The following DCLRE1A variants were observed in gnomAD, a reference collection of about 807,000 sequenced individuals.
The protein encoded by DCLRE1A is DNA cross-link repair 1A.
A neutral mutation model predicts 91.9 loss-of-function variants in DCLRE1A; 64 were observed. The ratio of observed to expected loss-of-function variants is 0.70; its 90% CI spans 0.57 to 0.86. The LOEUF is 0.86. DCLRE1A is among the 40% of genes least tolerant of loss of function. The pLI is 0.00. For synonymous variants in DCLRE1A, 416 were observed against 431.1 expected (o/e 0.96, Z 0.43); for missense variants, 1,145 against 1,213.3 (o/e 0.94, Z 0.84).
chr10:113,844,898 T>A (rs1845506404), intron 4 of DCLRE1A, among the ~76,000 whole-genome samples: 1 of 150,554 alleles, frequency 6.6e-6, no homozygotes, highest in Admixed American at 6.6e-5. Flanking sequence ...GCTGTGCCAT[T>A]GCACTCCAAC....
chr10:113,849,463 G>A lies in DCLRE1A; in HGVS notation c.1642C>T (p.His548Tyr), dbSNP rs772818660. 3.7e-6 allele frequency: 6 copies of A among 1,614,120 alleles called. No individual in the cohort carries two copies. Among genetic ancestry groups the A allele is most frequent in the Non-Finnish European group, 5.1e-6 (6 of 1,180,018 alleles). Residue 548 changes from histidine to tyrosine, a missense_variant, in exon 2 of 9, where the codon CAT (histidine) becomes TAT (tyrosine). Physicochemically the swap from His to Tyr is moderately conservative, Grantham distance 83 (BLOSUM62 2). Coordinates refer to ENST00000361384, the MANE Select transcript of DCLRE1A (RefSeq NM_014881.5). ...TGCTTCATTACCTTGGTAGAAGGAT[G>A]TCTTGCATTATACTTAAGACCAGAA... ...LPSGLKYNAR[H>Y]PSTKVMKQMD...
At chr10:113,838,818 G>C (rs907102385) in intron 7 of DCLRE1A, among the ~76,000 whole-genome samples, 1 of 152,170 alleles carries the variant, frequency 6.6e-6, no homozygotes, top group Non-Finnish European at 1.5e-5. Flanking sequence ...TAGCACATAC[G>C]TGAACTTGGG....
At chr10:113,841,662 A>T in intron 6 of DCLRE1A, 102 bp from the exon 7 acceptor site, 2 of 1,207,992 alleles carry the variant, frequency 1.7e-6, no homozygotes, top group Non-Finnish European at 2.3e-6. Flanking sequence ...AATAAAAGGA[A>T]ATTCAAAACA....
intron 2 of DCLRE1A, among the ~76,000 whole-genome samples, chr10:113,847,849 T>TA (rs17228737): frequency 9.4e-4 from 143 of 152,124 alleles, no homozygotes; most frequent in Admixed American, 1.8e-3. Flanking sequence ...AAAAAATGCC[T>TA]AAAAAGGCTC....
intron 3 of DCLRE1A, 74 bp downstream of exon 3, chr10:113,847,128 T>A: frequency 1.5e-6 from 2 of 1,345,240 alleles, no homozygotes; most frequent in Non-Finnish European, 2.0e-6. Flanking sequence ...CTGGTTTAAT[T>A]ATTATTTTTT....
intron 4 of DCLRE1A, among the ~76,000 whole-genome samples, chr10:113,844,676 C>T (rs1430351560): frequency 6.6e-6 from 1 of 152,228 alleles, no homozygotes; most frequent in Non-Finnish European, 1.5e-5. Context: ...TGGCTCACGC[C>T]TGTAATCCCA....
intron 1 of DCLRE1A, 66 bp from the exon 2 acceptor site, chr10:113,850,710 C>T: frequency 7.6e-7 from 1 of 1,318,080 alleles, no homozygotes; most frequent in Non-Finnish European, 1.0e-6. Flanking sequence ...ACAACATTAG[C>T]AGTATAAATT....
At chr10:113,835,774 A>C (rs903697278) in intron 8 of DCLRE1A, among the ~76,000 whole-genome samples, 1 of 152,120 alleles carries the variant, frequency 6.6e-6, no homozygotes, top group African/African-American at 2.4e-5. Flanking sequence ...GTCTCCACTA[A>C]AAATACAAAA....
intron 8 of DCLRE1A, 136 bp downstream of exon 8, chr10:113,836,926 T>A: frequency 1.3e-6 from 1 of 744,122 alleles, no homozygotes. Flanking sequence ...AGGATTAGAG[T>A]TGTAGAGAGA....
chr10:113,843,940 C>G (rs1845486872), intron 5 of DCLRE1A, among the ~76,000 whole-genome samples, 164 bp downstream of exon 5: 1 of 152,222 alleles, frequency 6.6e-6, no homozygotes, highest in Non-Finnish European at 1.5e-5. Flanking sequence ...CATACAATCT[C>G]AAATTTGCCC....
chr10:113,845,772 T>C lies in DCLRE1A; in HGVS notation c.2291A>G (p.His764Arg), dbSNP rs35884667. ...TGGGTGAATATATTGTTCTTGCACA[T>C]GAAGCTTGTTCTTCAACAAATTGCC... Reference protein sequence around the residue: ...ITGNLLKNKLHVQEQYIHPLP... With the variant: ...ITGNLLKNKLRVQEQYIHPLP... The change falls in exon 4 of 9, where the codon CAT (histidine) becomes CGT (arginine). Residue 764 changes from histidine to arginine, a missense_variant. Physicochemically the swap from His to Arg is conservative, Grantham distance 29. Transcript: ENST00000361384. The C allele has an allele frequency of 4.4e-4, 710 of 1,614,166 alleles. 5 individuals carry two copies. In the African/African-American group the frequency reaches 8.1e-3, roughly 18 times the overall value.
At chr10:113,847,122 TTTAA>T (rs1845550796) in intron 3 of DCLRE1A, 76 bp downstream of exon 3, 1 of 1,319,828 alleles carries the variant, frequency 7.6e-7, no homozygotes, top group Non-Finnish European at 1.0e-6. Context: ...ATCTTACTGG[TTTAA>T]TTATTATTTT....
At chr10:113,851,836 C>A (rs530232291) in intron 1 of DCLRE1A, among the ~76,000 whole-genome samples, 1 of 152,104 alleles carries the variant, frequency 6.6e-6, no homozygotes, top group African/African-American at 2.4e-5. Flanking sequence ...GGTGATCCTC[C>A]CACCTCAGCC....
Position 113,846,315 on chromosome 10 carries a change from T to G in DCLRE1A, c.2260-512A>C, listed in dbSNP as rs117056949. ...CTTCTCCAAACCCCAGGTGTTTCATTAATAAAAAGAATTCCTGAAGCATGC... is the reference window on the plus strand; with the variant it reads ...CTTCTCCAAACCCCAGGTGTTTCATGAATAAAAAGAATTCCTGAAGCATGC... On this transcript the variant is annotated intron_variant, in intron 3 of 8. Transcript: ENST00000361384. Among the ~76,000 whole-genome samples the G allele has an allele frequency of 7.1e-3, 1,078 of 152,308 alleles. 7 individuals carry two copies. The highest frequency in any genetic ancestry group is 0.029 in the Admixed American group (446 of 15,298).
rs1201044456 is a variant in DCLRE1A at position 113,834,997 on chromosome 10, C to T, written c.*155G>A. 21 of 795,496 alleles carry T rather than the reference C, an allele frequency of 2.6e-5. No individual in the cohort carries two copies. The highest frequency in any genetic ancestry group is 1.4e-4 in the South Asian group (7 of 51,590). The allele number at this position is 795,496 out of a possible 1,614,324, so 49.3% of individuals were successfully genotyped here. On this transcript the variant is annotated 3_prime_UTR_variant, in exon 9 of 9. Transcript: ENST00000361384. ...TGATGCTGAGAGGCATTCAGCACCA[C>T]GAACATGTTGTTCAAACATAAATGA...
intron 1 of DCLRE1A, 135 bp downstream of exon 1, chr10:113,852,588 T>G: frequency 1.3e-6 from 1 of 791,456 alleles, no homozygotes; most frequent in South Asian, 1.9e-5. Context: ...TACCGTTGAC[T>G]GGTATGGTGT....
chr10:113,844,628 A>G (rs1845501507), intron 4 of DCLRE1A, among the ~76,000 whole-genome samples: 1 of 152,212 alleles, frequency 6.6e-6, no homozygotes, highest in African/African-American at 2.4e-5. Context: ...AAAACCCCAT[A>G]AAGTTGACTT....
chr10:113,837,010 T>G lies in DCLRE1A; in HGVS notation c.2962+52A>C, dbSNP rs1164504893. The G allele has an allele frequency of 2.1e-6, 3 of 1,449,212 alleles. No individual in the cohort carries two copies. The Admixed American group carries it at 7.1e-5, about 34-fold the overall frequency. 89.8% of individuals were successfully genotyped at this position (1,449,212 alleles called of 1,614,324 possible). On this transcript the variant is annotated intron_variant, in intron 8 of 8. Coordinates refer to ENST00000361384, the MANE Select transcript of DCLRE1A (RefSeq NM_014881.5). ...TTGAACCTTATTACATTTTTTAAAA[T>G]GTAATTATAAACATTATAAACACTA...
Position 113,849,279 on chromosome 10 carries a change from T to C in DCLRE1A, c.1826A>G (p.Asp609Gly). The change falls in exon 2 of 9, where the codon GAT becomes GGT. Residue 609 changes from aspartate (D) to glycine (G), a missense_variant. Physicochemically the swap from Asp to Gly is moderately conservative, Grantham distance 94. Transcript: ENST00000361384. ...TAAAGTACTTGCATCAAATTCTAAA[T>C]CACTTAAAGATTTTTCTGCTTTCCT... ...CKRKAEKSLS[D>G]LEFDASTLHE... The C allele has an allele frequency of 1.2e-6, 2 of 1,614,164 alleles. No individual in the cohort carries two copies. The highest frequency in any genetic ancestry group is 8.5e-7 in the Non-Finnish European group (1 of 1,180,014).
Sources: gnomAD v4.1 joint callset for allele counts (sites outside exome capture counted in the v4.1 genomes callset) on GRCh38, gnomAD v4.1.1 for gene constraint, MANE v1.5 for transcripts, NCBI Gene and HGNC (gene_info 2026-07-23, HGNC 2026-07-21) for gene names.